ATG10: variants seen among roughly 807,000 people sequenced by gnomAD.
ATG10 encodes autophagy related 10, also known as ubiquitin-like-conjugating enzyme ATG10.
A neutral mutation model predicts 32.1 loss-of-function variants in ATG10; 30 were observed. The ratio of observed to expected loss-of-function variants is 0.94; its 90% CI spans 0.70 to 1.27. The LOEUF (loss-of-function observed/expected upper bound fraction) is 1.27. Ranked by LOEUF, ATG10 falls within the 50% of genes most tolerant of loss-of-function variation. The pLI, the probability that ATG10 is intolerant of heterozygous loss-of-function variation, is 0.00. For synonymous variants in ATG10, 87 were observed against 91.5 expected (o/e 0.95, Z 0.28); for missense variants, 233 against 262.3 (o/e 0.89, Z 0.77).
intron 2 of ATG10, among the ~76,000 whole-genome samples, chr5:82,008,000 G>GT (rs1254717171): frequency 2.0e-5 from 3 of 152,044 alleles, no homozygotes; most frequent in African/African-American, 7.2e-5. Context: ...TTTCTCACAG[G>GT]TTTTTTAAGA....
intron 3 of ATG10, among the ~76,000 whole-genome samples, chr5:82,144,441 G>A (rs1405308164): frequency 6.6e-6 from 1 of 151,734 alleles, no homozygotes; most frequent in East Asian, 1.9e-4. Context: ...TTCAATAAAA[G>A]GATTGTAGCT....
intron 3 of ATG10, among the ~76,000 whole-genome samples, chr5:82,107,773 G>A (rs974440659): frequency 6.6e-6 from 1 of 152,002 alleles, no homozygotes; most frequent in Non-Finnish European, 1.5e-5. Flanking sequence ...TTTAGTTGGA[G>A]AGAAAGAAAT....
In ATG10 at chr5:82,050,250, T is replaced by C. The variant is rs570628483; in HGVS notation, c.109-8245T>C. Among the ~76,000 whole-genome samples, 2 of 152,180 alleles carry C rather than the reference T, an allele frequency of 1.3e-5. 1 individual carries two copies. ...TTTAATTTGCTTAATGGAACCCCTA[T>C]TGATGATGAATAATCCCTTAGTTAT... On this transcript the variant is annotated intron_variant, in intron 2 of 7. Transcript: ENST00000282185.
chr5:82,197,744 A>G (rs1189458344), intron 5 of ATG10, among the ~76,000 whole-genome samples: 2 of 148,940 alleles, frequency 1.3e-5, no homozygotes, highest in African/African-American at 2.6e-5. Flanking sequence ...CTATCTATCT[A>G]TCTATCTATC....
intron 5 of ATG10, among the ~76,000 whole-genome samples, chr5:82,183,692 A>G (rs1744339790): frequency 1.3e-5 from 2 of 152,128 alleles, no homozygotes; most frequent in Admixed American, 6.5e-5. Context: ...TACTTCTATA[A>G]TGACAAAGTT....
chr5:82,234,136 T>G (rs978105727), intron 5 of ATG10, among the ~76,000 whole-genome samples: 2 of 152,124 alleles, frequency 1.3e-5, no homozygotes, highest in Non-Finnish European at 2.9e-5. Flanking sequence ...CTGTGTCCGG[T>G]GATACCTGGA....
chr5:82,144,229 T>A (rs1257736288), intron 3 of ATG10, among the ~76,000 whole-genome samples: 1 of 152,088 alleles, frequency 6.6e-6, no homozygotes, highest in Admixed American at 6.5e-5. Flanking sequence ...TCTTGATCAG[T>A]TTTGCTAGAG....
Position 82,241,480 on chromosome 5 carries a change from A to G in ATG10, c.454-11082A>G. ...TCCTTTCCATGCATTATGAGATGCT[A>G]CATGATCCTGCGTCTTGGCTAGCTC... On this transcript the variant is annotated intron_variant, in intron 5 of 7. Transcript: ENST00000282185. 1.3e-5 allele frequency among the ~76,000 whole-genome samples: 2 copies of G among 152,160 alleles called. 1 individual carries two copies. Among genetic ancestry groups the G allele is most frequent in the African/African-American group, 4.8e-5 (2 of 41,446 alleles).
At chr5:82,244,133 G>A (rs577638152) in intron 5 of ATG10, among the ~76,000 whole-genome samples, 1 of 152,256 alleles carries the variant, frequency 6.6e-6, no homozygotes, top group East Asian at 1.9e-4. Context: ...TCTGAGTTGG[G>A]CTGTTTGGGA....
intron 5 of ATG10, among the ~76,000 whole-genome samples, chr5:82,204,558 A>G (rs1488576957): frequency 6.6e-6 from 1 of 152,202 alleles, no homozygotes; most frequent in Non-Finnish European, 1.5e-5. Context: ...TGTTCTGGCT[A>G]TAGAATGGAA....
chr5:82,200,748 G>A (rs1158411392), intron 5 of ATG10, among the ~76,000 whole-genome samples: 3 of 150,446 alleles, frequency 2.0e-5, no homozygotes, highest in Admixed American at 6.6e-5. Flanking sequence ...GTCCTTTGGC[G>A]GATATGTTAT....
chr5:82,052,737 A>G (rs1407576475), intron 2 of ATG10, among the ~76,000 whole-genome samples: 2 of 152,172 alleles, frequency 1.3e-5, no homozygotes. Flanking sequence ...GGTAGCATGC[A>G]TATATTCATA....
intron 3 of ATG10, among the ~76,000 whole-genome samples, chr5:82,158,564 G>T (rs549595019): frequency 6.6e-6 from 1 of 151,920 alleles, no homozygotes; most frequent in African/African-American, 2.4e-5. Flanking sequence ...AAGTATGGGA[G>T]GATATGTGTA....
chr5:81,982,792 CTG>C (rs1761094455), intron 1 of ATG10, among the ~76,000 whole-genome samples: 1 of 152,200 alleles, frequency 6.6e-6, no homozygotes. Flanking sequence ...CCTCAAGCAT[CTG>C]TTTAACAAAG....
At chr5:82,218,688 C>G (rs1745797182) in intron 5 of ATG10, among the ~76,000 whole-genome samples, 1 of 152,082 alleles carries the variant, frequency 6.6e-6, no homozygotes, top group South Asian at 2.1e-4. Context: ...TATGGGAGTG[C>G]TAACACCAAA....
chr5:82,189,490 G>T (rs1000548377), intron 5 of ATG10, among the ~76,000 whole-genome samples: 3 of 152,208 alleles, frequency 2.0e-5, no homozygotes, highest in Non-Finnish European at 4.4e-5. Flanking sequence ...AGTTGTAGTT[G>T]TGTGAGAGTG....
chr5:82,144,404 G>A (rs1767266019), intron 3 of ATG10, among the ~76,000 whole-genome samples: 1 of 151,778 alleles, frequency 6.6e-6, no homozygotes, highest in African/African-American at 2.4e-5. Flanking sequence ...TGAAAGTTAA[G>A]TAACTGATTT....
intron 5 of ATG10, among the ~76,000 whole-genome samples, chr5:82,181,367 G>T (rs1288178601): frequency 6.6e-6 from 1 of 152,140 alleles, no homozygotes; most frequent in East Asian, 1.9e-4. Context: ...TGCAGCCATT[G>T]CACTACTTGG....
chr5:82,155,426 CA>C (rs1362824850), intron 3 of ATG10, among the ~76,000 whole-genome samples: 1 of 152,118 alleles, frequency 6.6e-6, no homozygotes, highest in Non-Finnish European at 1.5e-5. Flanking sequence ...CAGGGGTAGG[CA>C]AACTAAGGTC....
Sources: gnomAD v4.1 joint callset for allele counts (sites outside exome capture counted in the v4.1 genomes callset) on GRCh38, gnomAD v4.1.1 for gene constraint, MANE v1.5 for transcripts, NCBI Gene and HGNC (gene_info 2026-07-23, HGNC 2026-07-21) for gene names.